DGKB: variants seen among roughly 807,000 people sequenced by gnomAD.
DGKB encodes diacylglycerol kinase beta, also known as 90 kDa diacylglycerol kinase.
Under a neutral mutation model 114.3 loss-of-function variants are expected in DGKB, and 67 were observed. That is an observed-to-expected ratio of 0.59 (90% CI 0.48 to 0.72). The LOEUF (loss-of-function observed/expected upper bound fraction) is 0.72. Among genes scored for constraint, DGKB ranks in the 30% least tolerant of loss-of-function variants. DGKB has a pLI of 0.00. For synonymous variants in DGKB, 398 were observed against 323.1 expected (o/e 1.23, Z -2.49); for missense variants, 907 against 975.2 (o/e 0.93, Z 0.93).
intron 21 of DGKB, among the ~76,000 whole-genome samples, chr7:14,399,988 T>G (rs1381170586): frequency 6.6e-6 from 1 of 151,872 alleles, no homozygotes; most frequent in Non-Finnish European, 1.5e-5. Context: ...GATAAGAATA[T>G]TTTCAAATTA....
chr7:14,662,257 G>C (rs1044582178), intron 13 of DGKB, among the ~76,000 whole-genome samples: 2 of 148,330 alleles, frequency 1.3e-5, no homozygotes, highest in African/African-American at 5.2e-5. Context: ...GAGTTGGCAG[G>C]GGCTAGAAAT....
chr7:14,241,987 C>CAT (rs754121143), intron 23 of DGKB, among the ~76,000 whole-genome samples: 25 of 150,222 alleles, frequency 1.7e-4, no homozygotes, highest in South Asian at 2.1e-4. Context: ...CACACACACA[C>CAT]ATATATATAT....
intron 4 of DGKB, chr7:14,750,156 A>G (rs1422029331): frequency 1.9e-6 from 1 of 518,438 alleles, no homozygotes; most frequent in Non-Finnish European, 3.9e-6. Context: ...ACAAGCTTCT[A>G]ATTGACACTG....
intron 6 of DGKB, among the ~76,000 whole-genome samples, chr7:14,714,068 C>G (rs1827794412): frequency 8.3e-6 from 1 of 121,084 alleles, no homozygotes; most frequent in South Asian, 3.3e-4. Context: ...TGAGCATATA[C>G]CTGTTGAAAC....
In DGKB at chr7:14,147,412, G is replaced by T. The variant is rs1257694911; in HGVS notation, c.*1719C>A. On this transcript the variant is annotated 3_prime_UTR_variant, in exon 26 of 26. Transcript: ENST00000402815. ...CAGGAACACTAAAAGAATACACTTT[G>T]TACGTAATCTTCCATTATAGCACAT... The T allele has an allele frequency of 6.6e-6, 1 of 152,092 alleles. No homozygotes were observed. The highest frequency in any genetic ancestry group is 1.5e-5 in the Non-Finnish European group (1 of 67,976). The allele number at this position is 152,092 out of a possible 1,614,324, so 9.4% of individuals were successfully genotyped here.
chr7:14,830,289 G>A (rs537911286), intron 2 of DGKB, among the ~76,000 whole-genome samples: 2 of 152,050 alleles, frequency 1.3e-5, no homozygotes, highest in South Asian at 4.1e-4. Context: ...GGATGCTGTG[G>A]GAGTTTGTTC....
chr7:14,164,096 T>C (rs1784307526), intron 25 of DGKB, among the ~76,000 whole-genome samples: 1 of 152,050 alleles, frequency 6.6e-6, no homozygotes, highest in Admixed American at 6.6e-5. Flanking sequence ...CAGATATCTA[T>C]AGTATTTAAA....
chr7:14,255,670 C>T (rs746733128), intron 23 of DGKB, among the ~76,000 whole-genome samples: 3 of 152,018 alleles, frequency 2.0e-5, no homozygotes, highest in Admixed American at 6.6e-5. Context: ...AATGTTAATT[C>T]TCTCTATTGA....
intron 19 of DGKB, among the ~76,000 whole-genome samples, chr7:14,577,322 T>C (rs968808529): frequency 2.0e-5 from 3 of 152,166 alleles, no homozygotes; most frequent in Non-Finnish European, 1.5e-5. Context: ...CAAATCTGTA[T>C]AAAAGTGTGT....
At chr7:14,542,977 GAA>G (rs1306852535) in intron 20 of DGKB, among the ~76,000 whole-genome samples, 3 of 152,126 alleles carry the variant, frequency 2.0e-5, no homozygotes, top group Non-Finnish European at 4.4e-5. Flanking sequence ...GAGATAAAGG[GAA>G]AGATATGGAT....
chr7:14,323,125 A>G (rs191617619), intron 23 of DGKB, among the ~76,000 whole-genome samples: 4 of 152,316 alleles, frequency 2.6e-5, no homozygotes, highest in Non-Finnish European at 5.9e-5. Flanking sequence ...TCCCACTGGA[A>G]AAAGCTGCGT....
At chr7:14,477,654 G>A (rs1321123557) in intron 21 of DGKB, among the ~76,000 whole-genome samples, 3 of 152,050 alleles carry the variant, frequency 2.0e-5, no homozygotes, top group East Asian at 3.9e-4. Context: ...AATTTTGTTC[G>A]TCAAGTCTTT....
At chr7:14,973,218 C>G (rs1159672036) in intron 1 of DGKB, among the ~76,000 whole-genome samples, 1 of 151,888 alleles carries the variant, frequency 6.6e-6, no homozygotes, top group Non-Finnish European at 1.5e-5. Flanking sequence ...TATTTCTTCT[C>G]TACTTATCTC....
intron 1 of DGKB, among the ~76,000 whole-genome samples, chr7:14,908,786 A>T (rs1783839150): frequency 6.6e-6 from 1 of 152,214 alleles, no homozygotes; most frequent in Admixed American, 6.5e-5. Flanking sequence ...TGATAGCCTC[A>T]TGCAGTATGC....
At chr7:14,786,210 C>A (rs374350428) in intron 2 of DGKB, among the ~76,000 whole-genome samples, 72 of 152,092 alleles carry the variant, frequency 4.7e-4, no homozygotes, top group African/African-American at 1.7e-3. Flanking sequence ...TGGCTAGTTT[C>A]CTACGAACTT....
intron 23 of DGKB, among the ~76,000 whole-genome samples, chr7:14,265,508 G>A (rs1797382913): frequency 6.6e-6 from 1 of 151,442 alleles, no homozygotes; most frequent in African/African-American, 2.4e-5. Flanking sequence ...TCCTTGGCCA[G>A]GCTAATTCCC....
upstream of DGKB, among the ~76,000 whole-genome samples, chr7:14,906,523 G>A (rs1190771194): frequency 2.1e-5 from 3 of 141,084 alleles, no homozygotes; most frequent in East Asian, 2.1e-4. Context: ...ATGTGATCTC[G>A]GCTCACTGCA....
intron 2 of DGKB, among the ~76,000 whole-genome samples, chr7:14,780,564 T>C (rs1233189138): frequency 6.6e-6 from 1 of 152,168 alleles, no homozygotes; most frequent in Non-Finnish European, 1.5e-5. Flanking sequence ...TATTCTTATA[T>C]TCAATCAGTA....
chr7:14,606,464 A>G (rs1165708708), intron 17 of DGKB, among the ~76,000 whole-genome samples: 1 of 152,082 alleles, frequency 6.6e-6, no homozygotes, highest in Non-Finnish European at 1.5e-5. Context: ...ATTATACTTT[A>G]TGAATGTATT....
Sources: gnomAD v4.1 joint callset for allele counts (sites outside exome capture counted in the v4.1 genomes callset) on GRCh38, gnomAD v4.1.1 for gene constraint, MANE v1.5 for transcripts, NCBI Gene and HGNC (gene_info 2026-07-23, HGNC 2026-07-21) for gene names.